Variants in ITGB6 observed in about 807,000 individuals in gnomAD.
ITGB6 encodes integrin subunit beta 6.
Under a neutral mutation model 84.5 loss-of-function variants are expected in ITGB6, and 80 were observed. The observed-to-expected ratio is 0.95, with a 90% CI of 0.79 to 1.14. The LOEUF is 1.14. ITGB6 is among the 50% of genes most tolerant of loss of function. The probability of loss-of-function intolerance (pLI) is 0.00; values close to 1 mark genes in which losing one functional copy is unlikely to be tolerated. For missense variants in ITGB6, 1,006 were observed against 968.0 expected (o/e 1.04, Z -0.52); for synonymous variants, 383 against 354.9 (o/e 1.08, Z -0.89).
intron 6 of ITGB6, among the ~76,000 whole-genome samples, chr2:160,171,350 T>TTTTG: frequency 6.6e-6 from 1 of 150,644 alleles, no homozygotes. Flanking sequence ...TTTTTTTTTT[T>TTTTG]TGGAGACGGA....
intron 7 of ITGB6, among the ~76,000 whole-genome samples, chr2:160,142,914 A>G (rs1391581811): frequency 6.6e-6 from 1 of 152,242 alleles, no homozygotes; most frequent in Non-Finnish European, 1.5e-5. Flanking sequence ...TGTGTGATAG[A>G]CATACCTGTC....
intron 13 of ITGB6, among the ~76,000 whole-genome samples, chr2:160,110,452 C>T (rs1463146749): frequency 1.3e-5 from 2 of 152,150 alleles, no homozygotes; most frequent in African/African-American, 4.8e-5. Flanking sequence ...TTCCCCTTTT[C>T]TATCCTCATC....
At chr2:160,136,497 T>G (rs1349161098) in intron 10 of ITGB6, among the ~76,000 whole-genome samples, 4 of 152,254 alleles carry the variant, frequency 2.6e-5, no homozygotes, top group South Asian at 4.2e-4. Flanking sequence ...GTGTGGCAAT[T>G]CCTCAGGGAT....
chr2:160,193,657 T>C (rs1030253021), intron 4 of ITGB6, among the ~76,000 whole-genome samples: 1 of 152,230 alleles, frequency 6.6e-6, no homozygotes, highest in Non-Finnish European at 1.5e-5. Context: ...GACAGTGCCC[T>C]TATTGCCCCT....
chr2:160,200,010 G>C lies in ITGB6; in HGVS notation c.54C>G (p.His18Gln). 1 of 1,612,900 alleles carries C rather than the reference G, an allele frequency of 6.2e-7. No individual in the cohort carries two copies. Among genetic ancestry groups the C allele is most frequent in the East Asian group, 2.2e-5 (1 of 44,842 alleles). The change falls in exon 1 of 15, where the codon CAC (histidine) becomes CAG (glutamine). Residue 18 changes from histidine (H) to glutamine (Q), a missense_variant. By Grantham distance (24) the His-to-Gln change is conservative. Transcript: ENST00000283249. Reference protein sequence around the residue: ...LFFLFLGRNDHVQGGCALGGA... With the variant: ...LFFLFLGRNDQVQGGCALGGA... The stretch of plus-strand genomic sequence containing the variant: ...AGAGAACGCAGGTCTTACCTTGTAC[G>C]TGATCATTCCTTCCTAGAAATAGAA...
intron 2 of ITGB6, among the ~76,000 whole-genome samples, chr2:160,197,663 A>G (rs1365249910): frequency 6.6e-6 from 1 of 152,244 alleles, no homozygotes; most frequent in South Asian, 2.1e-4. Flanking sequence ...TTTGTTATCT[A>G]TCAGTAGGCC....
intron 4 of ITGB6, among the ~76,000 whole-genome samples, chr2:160,189,499 A>G (rs1309904008): frequency 2.0e-5 from 3 of 152,198 alleles, no homozygotes; most frequent in African/African-American, 7.2e-5. Flanking sequence ...ACTCAAACAA[A>G]TTTACAAGAA....
At chr2:160,150,840 G>C (rs1430562744) in intron 7 of ITGB6, among the ~76,000 whole-genome samples, 1 of 152,018 alleles carries the variant, frequency 6.6e-6, no homozygotes, top group East Asian at 1.9e-4. Flanking sequence ...AACCAACAAA[G>C]ATCAAAAGAG....
At chr2:160,182,406 C>T (rs57993273) in intron 4 of ITGB6, among the ~76,000 whole-genome samples, 22,963 of 151,958 alleles carry the variant, frequency 0.15, 2,286 homozygotes, top group East Asian at 0.32. Flanking sequence ...GATTGAAGAT[C>T]AACTTAATGA....
At chr2:160,188,554 T>C (rs1685998308) in intron 4 of ITGB6, among the ~76,000 whole-genome samples, 1 of 152,118 alleles carries the variant, frequency 6.6e-6, no homozygotes. Flanking sequence ...ATTGAGAACA[T>C]ATCATGGTCA....
intron 2 of ITGB6, among the ~76,000 whole-genome samples, chr2:160,198,923 C>T (rs141287907): frequency 7.9e-5 from 12 of 152,192 alleles, no homozygotes; most frequent in African/African-American, 2.9e-4. Context: ...AAAGAAGGAA[C>T]CAGGTAAAAT....
At chr2:160,145,161 GC>G (rs1684142714) in intron 7 of ITGB6, among the ~76,000 whole-genome samples, 1 of 152,172 alleles carries the variant, frequency 6.6e-6, no homozygotes, top group Non-Finnish European at 1.5e-5. Context: ...GATTTTGCAT[GC>G]CTGGATGTGA....
chr2:160,174,558 C>A (rs992075887), intron 4 of ITGB6, among the ~76,000 whole-genome samples: 1 of 147,118 alleles, frequency 6.8e-6, no homozygotes, highest in Non-Finnish European at 1.5e-5. Context: ...AGAGAGGAAC[C>A]TGTCTTCTTT....
Position 160,195,536 on chromosome 2 carries a change from G to A in ITGB6, c.426C>T (p.Ser142=), listed in dbSNP as rs555981995. The A allele has an allele frequency of 3.3e-5, 53 of 1,614,058 alleles. No individual in the cohort carries two copies. The highest frequency in any genetic ancestry group is 2.8e-4 in the African/African-American group (21 of 75,020). The change falls in exon 4 of 15, where the codon TCC becomes TCT. Residue 142 remains serine (S), a synonymous_variant. Transcript: ENST00000283249. ...TGTTGAGGTCGTCATCCATGGAGGCGGAGAGGTCCATGAGGTAATACAAAT... is the reference window on the plus strand; with the variant it reads ...TGTTGAGGTCGTCATCCATGGAGGCAGAGAGGTCCATGAGGTAATACAAAT... ...PVDLYYLMDL[S]ASMDDDLNTI...
At chr2:160,155,070 A>G (rs928682671) in intron 7 of ITGB6, among the ~76,000 whole-genome samples, 2 of 152,134 alleles carry the variant, frequency 1.3e-5, no homozygotes, top group Non-Finnish European at 2.9e-5. Context: ...CTTTTCCTTC[A>G]TGTTCTTCCA....
rs1469353018 is a variant in ITGB6, at chr2:160,100,725, G to T, written c.*1011C>A. ...ACATGCAGCTGAAATGTGCAAGTTG[G>T]GTTACATAGATGGGAAAAGAGTATG... On this transcript the variant is annotated 3_prime_UTR_variant, in exon 15 of 15. Coordinates refer to ENST00000283249, the MANE Select transcript of ITGB6 (RefSeq NM_000888.5). The T allele has an allele frequency of 6.6e-6, 1 of 152,166 alleles. No homozygotes were observed. The highest frequency in any genetic ancestry group is 1.5e-5 in the Non-Finnish European group (1 of 68,034). The allele number at this position is 152,166 out of a possible 1,614,324, so 9.4% of individuals were successfully genotyped here.
chr2:160,152,692 GA>G (rs1316023198), intron 7 of ITGB6, among the ~76,000 whole-genome samples: 1 of 152,160 alleles, frequency 6.6e-6, no homozygotes, highest in Non-Finnish European at 1.5e-5. Flanking sequence ...TGTATATCTA[GA>G]AAACCCCATC....
chr2:160,160,106 T>A (rs1206222416), intron 7 of ITGB6, among the ~76,000 whole-genome samples: 1 of 152,222 alleles, frequency 6.6e-6, no homozygotes, highest in Non-Finnish European at 1.5e-5. Flanking sequence ...ACTATGCTCA[T>A]TTATTTATGT....
intron 4 of ITGB6, among the ~76,000 whole-genome samples, chr2:160,190,365 A>C (rs188943714): frequency 5.9e-5 from 9 of 152,254 alleles, no homozygotes; most frequent in East Asian, 3.9e-4. Flanking sequence ...TAAAAAAAAA[A>C]CACTCTTTGT....
Sources: allele counts gnomAD v4.1 joint callset (sites outside exome capture counted in the v4.1 genomes callset), GRCh38; gene constraint gnomAD v4.1.1; transcripts MANE v1.5; gene names NCBI Gene and HGNC (gene_info 2026-07-23, HGNC 2026-07-21).